The following ARHGAP24 variants were observed in gnomAD, a reference collection of about 807,000 sequenced individuals.
ARHGAP24 encodes the protein Rho GTPase activating protein 24.
A neutral mutation model predicts 76.4 loss-of-function variants in ARHGAP24; 50 were observed. The ratio of observed to expected loss-of-function variants is 0.65; its 90% CI spans 0.52 to 0.83. ARHGAP24 has a LOEUF of 0.83. Ranked by LOEUF, ARHGAP24 falls within the 40% of genes least tolerant of loss-of-function variation. ARHGAP24 has a pLI of 0.00. For missense variants in ARHGAP24, 930 were observed against 914.2 expected (o/e 1.02, Z -0.22); for synonymous variants, 345 against 323.3 (o/e 1.07, Z -0.72).
intron 2 of ARHGAP24, among the ~76,000 whole-genome samples, chr4:85,712,521 T>A (rs1269035936): frequency 2.6e-5 from 4 of 152,184 alleles, no homozygotes; most frequent in African/African-American, 9.6e-5. Flanking sequence ...ATCTCCTAGA[T>A]AAGTCTGAAG....
At chr4:85,633,647 AC>A (rs1366068997) in intron 2 of ARHGAP24, among the ~76,000 whole-genome samples, 2 of 151,822 alleles carry the variant, frequency 1.3e-5, no homozygotes, top group Non-Finnish European at 3.0e-5. Flanking sequence ...AGTGAGAAGC[AC>A]CCACCAAGAT....
At chr4:85,487,088 C>T (rs529305224) in intron 1 of ARHGAP24, among the ~76,000 whole-genome samples, 1 of 148,638 alleles carries the variant, frequency 6.7e-6, no homozygotes, top group Admixed American at 6.9e-5. Context: ...TCTTAAAATT[C>T]ATTTCTTTCT....
intron 3 of ARHGAP24, among the ~76,000 whole-genome samples, chr4:85,814,424 G>C (rs1455005496): frequency 6.6e-6 from 1 of 152,130 alleles, no homozygotes; most frequent in Admixed American, 6.5e-5. Context: ...GATACAATGG[G>C]GGTACAGTAA....
At chr4:85,916,815 A>C (rs1266122736) in intron 3 of ARHGAP24, among the ~76,000 whole-genome samples, 1 of 152,196 alleles carries the variant, frequency 6.6e-6, no homozygotes, top group African/African-American at 2.4e-5. Flanking sequence ...ACTTGTTTAA[A>C]AATTTAAATG....
rs1274348559 is a variant in ARHGAP24, at chr4:85,489,791, AAGCAAGAATAGGAC to A, written c.-21+14237_-21+14250del. Among the ~76,000 whole-genome samples the A allele has an allele frequency of 2.2e-4, 34 of 152,312 alleles. 1 individual carries two copies. The highest frequency in any genetic ancestry group is 8.2e-4 in the African/African-American group (34 of 41,558). ...GACTGTGCTTCTGATATATATTTCCAAGCAAGAATAGGACAGCAGTGGCTTGTGAGGGTTAGAAC... is the reference window on the plus strand; with the variant it reads ...GACTGTGCTTCTGATATATATTTCCAAGCAGTGGCTTGTGAGGGTTAGAAC... On this transcript the variant is annotated intron_variant, in intron 1 of 9. Coordinates refer to ENST00000395184, the MANE Select transcript of ARHGAP24 (RefSeq NM_001025616.3).
intron 2 of ARHGAP24, among the ~76,000 whole-genome samples, chr4:85,602,953 T>C (rs1051276225): frequency 2.0e-5 from 3 of 152,244 alleles, no homozygotes; most frequent in Non-Finnish European, 2.9e-5. Context: ...ACTTGCTCTA[T>C]TTTAATGTCT....
chr4:85,909,986 G>A (rs1200601998), intron 3 of ARHGAP24, among the ~76,000 whole-genome samples: 3 of 152,096 alleles, frequency 2.0e-5, no homozygotes, highest in African/African-American at 7.2e-5. Flanking sequence ...TGGATCCCAC[G>A]CCTGCCAAGG....
At chr4:85,543,881 A>C (rs193263062) in intron 1 of ARHGAP24, among the ~76,000 whole-genome samples, 1 of 152,338 alleles carries the variant, frequency 6.6e-6, no homozygotes, top group Admixed American at 6.5e-5. Context: ...AGTAGTAGTT[A>C]GTAGCAGTTC....
intron 2 of ARHGAP24, among the ~76,000 whole-genome samples, chr4:85,635,512 G>T (rs1240289885): frequency 1.3e-5 from 2 of 151,616 alleles, no homozygotes; most frequent in Non-Finnish European, 3.0e-5. Flanking sequence ...TTCAAATTCT[G>T]TTGAATTCCC....
intron 2 of ARHGAP24, among the ~76,000 whole-genome samples, chr4:85,632,367 A>G (rs1056023723): frequency 1.3e-5 from 2 of 152,010 alleles, no homozygotes; most frequent in African/African-American, 4.8e-5. Flanking sequence ...GTAACTGGAG[A>G]ACTGGGAACA....
chr4:85,517,546 C>T (rs1230266063), intron 1 of ARHGAP24, among the ~76,000 whole-genome samples: 1 of 152,094 alleles, frequency 6.6e-6, no homozygotes, highest in Non-Finnish European at 1.5e-5. Flanking sequence ...CAAAAGATTA[C>T]ACGTTTTCTT....
intron 4 of ARHGAP24, chr4:85,930,314 G>C (rs989079561): frequency 1.3e-5 from 13 of 986,652 alleles, no homozygotes; most frequent in Non-Finnish European, 1.6e-5. Context: ...AACCTGCAGA[G>C]AGCATCAAAG....
At chr4:85,493,411 T>C (rs1221072722) in intron 1 of ARHGAP24, among the ~76,000 whole-genome samples, 1 of 152,264 alleles carries the variant, frequency 6.6e-6, no homozygotes, top group Non-Finnish European at 1.5e-5. Flanking sequence ...GTTAAAATTC[T>C]TCTACGCGGA....
chr4:85,818,426 T>A (rs540560220), intron 3 of ARHGAP24, among the ~76,000 whole-genome samples: 1 of 152,338 alleles, frequency 6.6e-6, no homozygotes, highest in East Asian at 1.9e-4. Context: ...ACCCACTAAG[T>A]CATCAGTCTA....
At chr4:85,872,595 C>CTTTTTTTTT (rs5860005) in intron 3 of ARHGAP24, among the ~76,000 whole-genome samples, 2 of 73,166 alleles carry the variant, frequency 2.7e-5, no homozygotes, top group Non-Finnish European at 4.7e-5. Flanking sequence ...TGCATCTGGC[C>CTTTTTTTTT]TTTTTTTTTT....
chr4:85,707,980 T>C (rs777594456), intron 2 of ARHGAP24, among the ~76,000 whole-genome samples: 5 of 152,142 alleles, frequency 3.3e-5, no homozygotes, highest in Non-Finnish European at 7.3e-5. Context: ...GGCATAATGA[T>C]CTGAGAGAGC....
chr4:85,914,358 G>C (rs1394285333), intron 3 of ARHGAP24, among the ~76,000 whole-genome samples: 4 of 152,144 alleles, frequency 2.6e-5, no homozygotes, highest in African/African-American at 7.2e-5. Flanking sequence ...CACCCAGCAG[G>C]CATCTTAAAA....
At chr4:85,514,193 A>T (rs1274886751) in intron 1 of ARHGAP24, among the ~76,000 whole-genome samples, 1 of 152,170 alleles carries the variant, frequency 6.6e-6, no homozygotes, top group Non-Finnish European at 1.5e-5. Flanking sequence ...GATGAATTAG[A>T]TCTGAAGAAT....
intron 2 of ARHGAP24, among the ~76,000 whole-genome samples, chr4:85,683,424 G>A (rs570083673): frequency 1.3e-5 from 2 of 152,204 alleles, no homozygotes; most frequent in Middle Eastern, 3.4e-3. Context: ...TCTATAAAAA[G>A]ACCATAAACT....
Sources: allele counts gnomAD v4.1 joint callset (sites outside exome capture counted in the v4.1 genomes callset), GRCh38; gene constraint gnomAD v4.1.1; transcripts MANE v1.5; gene names NCBI Gene and HGNC (gene_info 2026-07-23, HGNC 2026-07-21).